P2RY8: variants seen among roughly 807,000 people sequenced by gnomAD.
P2RY8 encodes the protein P2Y receptor family member 8.
In P2RY8, 6 loss-of-function variants were observed where a neutral mutation model predicts 10.0. The ratio of observed to expected loss-of-function variants is 0.60; its 90% CI spans 0.33 to 1.19. P2RY8 has a LOEUF of 1.19. P2RY8 is among the 50% of genes most tolerant of loss of function. The pLI is 0.04. For missense variants in P2RY8, 456 were observed against 542.0 expected (o/e 0.84, Z 1.58); for synonymous variants, 276 against 252.5 (o/e 1.09, Z -0.88).
intron 1 of P2RY8, among the ~76,000 whole-genome samples, chrX:1,469,228 A>ATCTCGGCTCACTGCAACCTCTG (rs1410465038): frequency 7.0e-6 from 1 of 143,804 alleles, no homozygotes; most frequent in Admixed American, 7.2e-5. Flanking sequence ...CAATGGCGTG[A>ATCTCGGCTCACTGCAACCTCTG]TCTCGGCTCA....
At chrX:1,468,680 CGGACAGACCACA>C (rs2091727581) in intron 1 of P2RY8, among the ~76,000 whole-genome samples, 1 of 151,290 alleles carries the variant, frequency 6.6e-6, no homozygotes, top group African/African-American at 2.4e-5. Flanking sequence ...TCTGAAGCAA[CGGACAGACCACA>C]GGTGGGCGCT....
At chrX:1,482,956 C>T (rs751767710) in intron 1 of P2RY8, among the ~76,000 whole-genome samples, 13 of 138,286 alleles carry the variant, frequency 9.4e-5, no homozygotes, top group South Asian at 7.6e-4. Context: ...GGTGGGGGGA[C>T]GGGGGAGGGA....
intron 1 of P2RY8, among the ~76,000 whole-genome samples, chrX:1,470,938 G>A (rs1251674857): frequency 1.3e-5 from 2 of 151,096 alleles, no homozygotes; most frequent in Non-Finnish European, 1.5e-5. Flanking sequence ...CTGGGTTCAA[G>A]CAATTCTCCT....
chrX:1,523,706 G>A (rs1487656177), intron 1 of P2RY8, among the ~76,000 whole-genome samples: 2 of 152,028 alleles, frequency 1.3e-5, no homozygotes, highest in East Asian at 1.9e-4. Context: ...TTCTTGAGAC[G>A]GAGCCTCCCT....
intron 1 of P2RY8, among the ~76,000 whole-genome samples, chrX:1,515,952 GGT>G (rs1159259584): frequency 7.5e-5 from 9 of 119,304 alleles, no homozygotes; most frequent in Non-Finnish European, 1.1e-4. Context: ...GGGGTCGGGG[GGT>G]GGTGGATCAC....
At chrX:1,502,499 G>C (rs1359206906) in intron 1 of P2RY8, among the ~76,000 whole-genome samples, 11 of 152,234 alleles carry the variant, frequency 7.2e-5, no homozygotes, top group Non-Finnish European at 1.2e-4. Flanking sequence ...CTTTGCCGAA[G>C]AGCCCCTGTG....
At chrX:1,534,069 A>G (rs1190314905) in intron 1 of P2RY8, among the ~76,000 whole-genome samples, 2 of 129,270 alleles carry the variant, frequency 1.5e-5, no homozygotes, top group Admixed American at 1.7e-4. Flanking sequence ...TTTGTATATT[A>G]TTTATATATA....
chrX:1,467,704 TCTTGC>T (rs2091708605), intron 1 of P2RY8, among the ~76,000 whole-genome samples: 1 of 152,230 alleles, frequency 6.6e-6, no homozygotes, highest in Admixed American at 6.5e-5. Context: ...AGATATGGGG[TCTTGC>T]CTTGTTGCCC....
At chrX:1,476,183 TC>T (rs1471333641) in intron 1 of P2RY8, among the ~76,000 whole-genome samples, 2 of 152,148 alleles carry the variant, frequency 1.3e-5, no homozygotes, top group African/African-American at 2.4e-5. Flanking sequence ...TTGGGACACC[TC>T]CTATGACCAA....
intron 1 of P2RY8, among the ~76,000 whole-genome samples, chrX:1,514,329 TCTTTC>T (rs367965882): frequency 0.28 from 40,411 of 146,460 alleles, 6,122 homozygotes; most frequent in Middle Eastern, 0.39. Context: ...CCTTTCCATT[TCTTTC>T]CTTTCCTTCC....
At chrX:1,508,452 G>A (rs1296400705) in intron 1 of P2RY8, among the ~76,000 whole-genome samples, 3 of 152,154 alleles carry the variant, frequency 2.0e-5, no homozygotes, top group African/African-American at 7.2e-5. Flanking sequence ...AATGTCAGCA[G>A]TGCTGAGGCT....
intron 1 of P2RY8, among the ~76,000 whole-genome samples, chrX:1,469,587 T>C (rs1309137054): frequency 2.6e-5 from 4 of 152,068 alleles, no homozygotes; most frequent in Non-Finnish European, 5.9e-5. Context: ...CTCTCACTTA[T>C]TTCTTCTTAA....
rs769099987 is a variant in P2RY8, at chrX:1,463,997, A to T, written c.*1482T>A. ...GGGAATGATAATTCATTACTAAACC[A>T]TCTCTGTTTTCCTGCCATAGTGATG... On this transcript the variant is annotated 3_prime_UTR_variant, in exon 2 of 2. Coordinates refer to ENST00000381297, the MANE Select transcript of P2RY8 (RefSeq NM_178129.5). The T allele has an allele frequency of 4.3e-6, 1 of 233,322 alleles. No homozygotes were observed. The highest frequency in any genetic ancestry group is 6.0e-5 in the East Asian group (1 of 16,598). 14.5% of individuals were successfully genotyped at this position (233,322 alleles called of 1,614,324 possible).
intron 1 of P2RY8, among the ~76,000 whole-genome samples, chrX:1,491,098 G>T (rs1165820687): frequency 1.0e-4 from 15 of 148,040 alleles, no homozygotes; most frequent in Admixed American, 3.4e-4. Flanking sequence ...AAATGTGGGG[G>T]GAATGAATGA....
At chrX:1,478,842 C>G (rs1569536840) in intron 1 of P2RY8, among the ~76,000 whole-genome samples, 2 of 152,022 alleles carry the variant, frequency 1.3e-5, no homozygotes, top group Non-Finnish European at 2.9e-5. Flanking sequence ...AGGTGGTGGG[C>G]TCATGGTGCA....
chrX:1,467,863 G>C (rs1603453306), intron 1 of P2RY8, among the ~76,000 whole-genome samples: 1 of 151,946 alleles, frequency 6.6e-6, no homozygotes, highest in African/African-American at 2.4e-5. Context: ...ATTTTTTGTA[G>C]ATACAGAGTT....
intron 1 of P2RY8, among the ~76,000 whole-genome samples, chrX:1,474,920 G>A (rs1309402530): frequency 6.9e-6 from 1 of 145,526 alleles, no homozygotes; most frequent in Non-Finnish European, 1.5e-5. Flanking sequence ...GTGGGTGGGT[G>A]GATGGATGAA....
intron 1 of P2RY8, among the ~76,000 whole-genome samples, chrX:1,477,655 G>C (rs747368026): frequency 6.6e-6 from 1 of 152,168 alleles, no homozygotes; most frequent in East Asian, 1.9e-4. Context: ...GCATCTGGTG[G>C]GTAGATCCCA....
intron 1 of P2RY8, among the ~76,000 whole-genome samples, chrX:1,484,683 A>G (rs1355344616): frequency 5.6e-5 from 8 of 142,914 alleles, no homozygotes; most frequent in Non-Finnish European, 1.1e-4. Context: ...AGCTGAGATC[A>G]CACCACTGCA....
Sources: gnomAD v4.1 joint callset for allele counts (sites outside exome capture counted in the v4.1 genomes callset) on GRCh38, gnomAD v4.1.1 for gene constraint, MANE v1.5 for transcripts, NCBI Gene and HGNC (gene_info 2026-07-23, HGNC 2026-07-21) for gene names.